PPL: variants seen among roughly 807,000 people sequenced by gnomAD.
PPL encodes the protein 190 kDa paraneoplastic pemphigus antigen.
PPL carries 198 observed loss-of-function variants against 194.4 expected under a neutral mutation model. That is an observed-to-expected ratio of 1.02 (90% CI 0.91 to 1.15). The LOEUF (loss-of-function observed/expected upper bound fraction) is 1.15. PPL is among the 50% of genes most tolerant of loss of function. PPL has a pLI of 0.00. For synonymous variants in PPL, 1,220 were observed against 972.4 expected, an observed-to-expected ratio of 1.25 and a Z score of -4.74; for missense variants, 2,885 against 2,294.8, an observed-to-expected ratio of 1.26 and a Z score of -5.25.
intron 1 of PPL, among the ~76,000 whole-genome samples, chr16:4,919,132 C>G (rs1021740451): frequency 6.6e-6 from 1 of 152,240 alleles, no homozygotes; most frequent in African/African-American, 2.4e-5. Context: ...GCCCAGCCCT[C>G]CCTTTTCTTA....
In PPL at chr16:4,885,152, A is replaced by G. The variant is rs2142325587; in HGVS notation, c.3503T>C (p.Val1168Ala). ...IWALEEENAK[V>A]VVQEKVREIV... ...CTCCCGCACCTTCTCCTGCACCACC[A>G]CTTTGGCGTTCTCCTCCTCCAAGGC... is the stretch of plus-strand genomic sequence containing the variant. Residue 1168 changes from valine to alanine, a missense_variant, in exon 22 of 22, where the codon GTG becomes GCG. Val to Ala is a moderately conservative substitution (Grantham distance 64). Transcript: ENST00000345988. This position sits in a 1 kb window ranked among gnomAD's most constrained non-coding sequence, Gnocchi z 6.3. 1.2e-6 allele frequency: 2 copies of G among 1,613,622 alleles called. No homozygotes were observed. The highest frequency in any genetic ancestry group is 1.7e-6 in the Non-Finnish European group (2 of 1,179,920).
intron 1 of PPL, among the ~76,000 whole-genome samples, chr16:4,930,199 C>T (rs924822062): frequency 6.6e-6 from 1 of 152,218 alleles, no homozygotes; most frequent in Non-Finnish European, 1.5e-5. Flanking sequence ...TCATCTCCAA[C>T]TGATCCCCGG....
intron 1 of PPL, among the ~76,000 whole-genome samples, chr16:4,928,079 C>G (rs2089182030): frequency 6.6e-6 from 1 of 152,236 alleles, no homozygotes; most frequent in Admixed American, 6.5e-5. Flanking sequence ...CTCAAGCCAA[C>G]TTTGGTGCCC....
At chr16:4,895,038 G>T (rs570210358) in intron 11 of PPL, among the ~76,000 whole-genome samples, 1 of 152,214 alleles carries the variant, frequency 6.6e-6, no homozygotes, top group Non-Finnish European at 1.5e-5. Flanking sequence ...GACTTCTGAG[G>T]AGGGACTGGG....
chr16:4,929,519 G>A (rs1188428147), intron 1 of PPL, among the ~76,000 whole-genome samples: 1 of 152,102 alleles, frequency 6.6e-6, no homozygotes, highest in African/African-American at 2.4e-5. Context: ...GTACTGAAAA[G>A]AATCAGCCAC....
In PPL at chr16:4,883,179, G is replaced by T; in HGVS notation, c.*205C>A. 1 of 624,674 alleles carries T rather than the reference G, an allele frequency of 1.6e-6. No homozygotes were observed. The allele number at this position is 624,674 out of a possible 1,614,324, so 38.7% of individuals were successfully genotyped here. A position where few individuals can be genotyped will look rare whatever the true frequency, so the allele number is the denominator to read the frequency against. On this transcript the variant is annotated 3_prime_UTR_variant, in exon 22 of 22. Transcript: ENST00000345988. This position sits in a 1 kb window ranked among gnomAD's most constrained non-coding sequence, Gnocchi z 4.8. ...TTGGAGGATGAAGTACGTCACTCAG[G>T]GTGAATGATGGTTGGGACGAGAGTT...
At chr16:4,889,658 C>T (rs1337565600) in intron 18 of PPL, among the ~76,000 whole-genome samples, 1 of 152,186 alleles carries the variant, frequency 6.6e-6, no homozygotes, top group African/African-American at 2.4e-5. Flanking sequence ...CACTGTTCTG[C>T]TGTCTGACTT....
rs778808149 is a variant in PPL, at chr16:4,910,842, G to T, written c.162+8C>A. 6.2e-7 allele frequency: 1 copy of T among 1,608,944 alleles called. No individual in the cohort carries two copies. On this transcript the variant is annotated splice_region_variant and intron_variant, in intron 2 of 21. Transcript: ENST00000345988. The stretch of plus-strand genomic sequence containing the variant: ...CACCCAGGTGGGAGTGGGAGTGGGG[G>T]CACTCACACTCTGCATCTTGGCCTC...
intron 1 of PPL, among the ~76,000 whole-genome samples, chr16:4,929,584 C>A (rs763760095): frequency 3.0e-4 from 46 of 152,210 alleles, no homozygotes; most frequent in Non-Finnish European, 5.0e-4. Context: ...ATCTTTGCTG[C>A]AGATTTTTCT....
chr16:4,920,345 G>GAGAGAC (rs1427456398), intron 1 of PPL, among the ~76,000 whole-genome samples: 1 of 25,078 alleles, frequency 4.0e-5, no homozygotes, highest in Non-Finnish European at 1.7e-4. Context: ...GAGAGAGAGA[G>GAGAGAC]AGAAAGAAAG....
intron 1 of PPL, among the ~76,000 whole-genome samples, chr16:4,917,145 C>CA (rs1384176801): frequency 1.3e-5 from 2 of 151,612 alleles, no homozygotes; most frequent in East Asian, 3.9e-4. Flanking sequence ...AAATAAAAAA[C>CA]AAAAAAACAA....
At position 4,883,865 on chromosome 16, in the gene PPL, C is replaced by A. The variant is rs138228343; in HGVS notation, c.4790G>T (p.Arg1597Leu). ...NMAATETRDL[R>L]NMTVADSGTN... ...CCCAGAGTCCGCCACGGTCATGTTC[C>A]GCAGGTCTCGTGTTTCCGTCGCTGC... The change falls in exon 22 of 22, where the codon CGG (arginine) becomes CTG (leucine). Residue 1597 changes from arginine (R) to leucine (L), a missense_variant. Coordinates refer to ENST00000345988, the MANE Select transcript of PPL (RefSeq NM_002705.5). This position sits in a 1 kb window ranked among gnomAD's most constrained non-coding sequence, Gnocchi z 4.8. 6.2e-7 allele frequency: 1 copy of A among 1,614,012 alleles called. No homozygotes were observed. The highest frequency in any genetic ancestry group is 8.5e-7 in the Non-Finnish European group (1 of 1,180,032).
intron 1 of PPL, among the ~76,000 whole-genome samples, chr16:4,914,465 G>C (rs1307904126): frequency 1.3e-5 from 2 of 152,150 alleles, no homozygotes; most frequent in Non-Finnish European, 2.9e-5. Context: ...CAACATGCTG[G>C]GGATCCATCC....
In PPL at chr16:4,886,018, G is replaced by C. The variant is rs1021411807; in HGVS notation, c.2637C>G (p.Thr879=). 1 of 1,613,962 alleles carries C rather than the reference G, an allele frequency of 6.2e-7. No homozygotes were observed. The highest frequency in any genetic ancestry group is 8.5e-7 in the Non-Finnish European group (1 of 1,180,032). ...CAGAGTCCGGCCTATTCCTTTGCAG[G>C]GTCTCATGGGTCACTTCTACTTCCG... is the stretch of plus-strand genomic sequence containing the variant. The part of the protein sequence containing the change: ...QQPEVEVTHE[T]LQRNRPDSGV... Residue 879 remains threonine (T), a synonymous_variant, in exon 22 of 22, where the codon ACC becomes ACG. Transcript: ENST00000345988.
At chr16:4,911,060 C>A in intron 1 of PPL, 111 bp from the exon 2 acceptor site, 1 of 807,726 alleles carries the variant, frequency 1.2e-6, no homozygotes, top group East Asian at 2.7e-5. Flanking sequence ...TGAGCAGGAG[C>A]TGCCCACAGA....
chr16:4,895,131 G>T, intron 11 of PPL, 130 bp downstream of exon 11: 1 of 1,189,932 alleles, frequency 8.4e-7, no homozygotes, highest in Non-Finnish European at 1.1e-6. Flanking sequence ...ACCAGGGGAA[G>T]GGTTGGCAGA....
At chr16:4,889,744 T>G (rs562599948) in intron 18 of PPL, among the ~76,000 whole-genome samples, 7 of 152,288 alleles carry the variant, frequency 4.6e-5, no homozygotes, top group Admixed American at 3.3e-4. Context: ...GAGGAAAGCT[T>G]CTGAGGTGGG....
At chr16:4,919,091 G>T (rs1010320184) in intron 1 of PPL, among the ~76,000 whole-genome samples, 2 of 152,220 alleles carry the variant, frequency 1.3e-5, no homozygotes, top group African/African-American at 4.8e-5. Flanking sequence ...CCGGAAAAGG[G>T]AAAGGGCCTG....
In PPL at chr16:4,905,301, C is replaced by G. The variant is rs78703353; in HGVS notation, c.163-1261G>C. Among the ~76,000 whole-genome samples, 33 of 152,322 alleles carry G rather than the reference C, an allele frequency of 2.2e-4. 2 individuals carry two copies. In the East Asian group the frequency reaches 6.2e-3, roughly 28 times the overall value. ...ACGGACCGTGCTCCATCTGAACAAGCCTGGAAGACGTTATTCAAAGGCAAA... is the reference window on the plus strand; with the variant it reads ...ACGGACCGTGCTCCATCTGAACAAGGCTGGAAGACGTTATTCAAAGGCAAA... On this transcript the variant is annotated intron_variant, in intron 2 of 21. Coordinates refer to ENST00000345988, the MANE Select transcript of PPL (RefSeq NM_002705.5).
Sources: allele counts gnomAD v4.1 joint callset (sites outside exome capture counted in the v4.1 genomes callset), GRCh38; gene constraint gnomAD v4.1.1; non-coding constraint Gnocchi (gnomAD v3.1); transcripts MANE v1.5; gene names NCBI Gene and HGNC (gene_info 2026-07-23, HGNC 2026-07-21).